CAST: variants seen among roughly 807,000 people sequenced by gnomAD.
The protein encoded by CAST is MIR583 host.
A neutral mutation model predicts 119.6 loss-of-function variants in CAST; 76 were observed. That is an observed-to-expected ratio of 0.64 (90% CI 0.53 to 0.77). The LOEUF (loss-of-function observed/expected upper bound fraction) is 0.77. Ranked by LOEUF, CAST falls within the 30% of genes least tolerant of loss-of-function variation. The pLI, the probability that CAST is intolerant of heterozygous loss-of-function variation, is 0.00. For missense variants in CAST, 953 were observed against 946.5 expected, an observed-to-expected ratio of 1.01 and a Z score of -0.09; for synonymous variants, 319 against 331.6, an observed-to-expected ratio of 0.96 and a Z score of 0.41.
the CAST span, among the ~76,000 whole-genome samples, chr5:96,043,757 G>T: frequency 6.6e-6 from 1 of 152,136 alleles, no homozygotes; most frequent in Non-Finnish European, 1.5e-5. Flanking sequence ...GCCAGAACAG[G>T]GTCATAAAGG....
At chr5:96,664,286 AT>A in intron 1 of CAST, among the ~76,000 whole-genome samples, 1 of 151,586 alleles carries the variant, frequency 6.6e-6, no homozygotes, top group Non-Finnish European at 1.5e-5. Flanking sequence ...ATGTGTGTAT[AT>A]TTACAGTGTG....
At chr5:96,381,113 C>T in the CAST span, among the ~76,000 whole-genome samples, 9 of 152,090 alleles carry the variant, frequency 5.9e-5, no homozygotes, top group African/African-American at 2.2e-4. Context: ...AGGTTGAATG[C>T]TGAAGTACAT....
the CAST span, among the ~76,000 whole-genome samples, chr5:96,034,511 G>GCACACACACA: frequency 0.041 from 2,686 of 65,306 alleles, 91 homozygotes; most frequent in Non-Finnish European, 0.052. Context: ...ACACACATAT[G>GCACACACACA]TGTGTGTGTA....
chr5:96,589,843 C>G (rs1746932301), intron 1 of CAST, among the ~76,000 whole-genome samples: 1 of 152,158 alleles, frequency 6.6e-6, no homozygotes, highest in Non-Finnish European at 1.5e-5. Context: ...ATAAGAAAAA[C>G]AAATTTAGTA....
At chr5:96,567,988 T>A (rs977570982) in intron 1 of CAST, among the ~76,000 whole-genome samples, 2 of 152,166 alleles carry the variant, frequency 1.3e-5, no homozygotes, top group Non-Finnish European at 2.9e-5. Context: ...TTTGTCCTGA[T>A]CAGAGCTGCT....
At chr5:96,441,394 A>G in the CAST span, among the ~76,000 whole-genome samples, 1 of 152,012 alleles carries the variant, frequency 6.6e-6, no homozygotes, top group Non-Finnish European at 1.5e-5. Context: ...AAGCCCGTTG[A>G]GAGAGCCAGA....
the CAST span, among the ~76,000 whole-genome samples, chr5:96,035,267 G>T: frequency 6.7e-6 from 1 of 148,830 alleles, no homozygotes; most frequent in Non-Finnish European, 1.5e-5. Flanking sequence ...AATACATACA[G>T]TTTTTTCCAT....
At chr5:96,101,796 C>T in the CAST span, among the ~76,000 whole-genome samples, 5 of 152,168 alleles carry the variant, frequency 3.3e-5, no homozygotes, top group African/African-American at 1.2e-4. Flanking sequence ...AAAATTTTAA[C>T]ATCTTGTGGG....
chr5:96,472,836 GA>G, the CAST span, among the ~76,000 whole-genome samples: 1 of 152,190 alleles, frequency 6.6e-6, no homozygotes, highest in Non-Finnish European at 1.5e-5. Flanking sequence ...GTCTGACTTA[GA>G]ACAATAGAAG....
the CAST span, among the ~76,000 whole-genome samples, chr5:96,365,141 A>G: frequency 0.026 from 3,910 of 152,260 alleles, 65 homozygotes; most frequent in Middle Eastern, 0.065. Flanking sequence ...GTTTTGAGTG[A>G]GTTTCTTAAT....
chr5:96,025,718 G>C, the CAST span, among the ~76,000 whole-genome samples: 1 of 152,186 alleles, frequency 6.6e-6, no homozygotes, highest in Non-Finnish European at 1.5e-5. Flanking sequence ...GCTCAATACA[G>C]AGAGAATTTG....
At chr5:96,431,000 A>G in the CAST span, among the ~76,000 whole-genome samples, 2,297 of 152,304 alleles carry the variant, frequency 0.015, 65 homozygotes, top group African/African-American at 0.053. Flanking sequence ...GAAAAAGAAG[A>G]GAGATTTAGT....
chr5:96,667,734 C>T (rs991456581), intron 1 of CAST, among the ~76,000 whole-genome samples: 6 of 284 alleles, frequency 0.021, no homozygotes, highest in South Asian at 0.5. Context: ...TATAATGAGG[C>T]TGGGTGCGGT....
the CAST span, among the ~76,000 whole-genome samples, chr5:96,334,572 A>G: frequency 4.6e-5 from 7 of 152,216 alleles, no homozygotes; most frequent in African/African-American, 1.7e-4. Flanking sequence ...CTGTTCCAGA[A>G]AAGTCACCCC....
chr5:96,201,898 T>C, the CAST span, among the ~76,000 whole-genome samples: 4 of 152,058 alleles, frequency 2.6e-5, no homozygotes, highest in African/African-American at 4.8e-5. Context: ...AATCCAACTT[T>C]AAGGGGCAAA....
At chr5:96,045,029 G>A in the CAST span, among the ~76,000 whole-genome samples, 1 of 152,144 alleles carries the variant, frequency 6.6e-6, no homozygotes, top group South Asian at 2.1e-4. Context: ...TAATATGGCT[G>A]GTGGTTTCAT....
the CAST span, among the ~76,000 whole-genome samples, chr5:96,434,651 C>A: frequency 6.6e-6 from 1 of 151,440 alleles, no homozygotes; most frequent in African/African-American, 2.4e-5. Context: ...AAAGCTCAAC[C>A]GCCCGAGGGC....
the CAST span, among the ~76,000 whole-genome samples, chr5:96,309,782 C>A: frequency 1.6e-4 from 25 of 152,362 alleles, no homozygotes; most frequent in African/African-American, 5.8e-4. Flanking sequence ...GTGGGCTACA[C>A]CCACTGTCCA....
At chr5:96,276,860 T>C in the CAST span, among the ~76,000 whole-genome samples, 2 of 152,226 alleles carry the variant, frequency 1.3e-5, no homozygotes, top group East Asian at 3.8e-4. Flanking sequence ...ATGAAGGTTT[T>C]CATGCTTTTG....
Sources: gnomAD v4.1 joint callset for allele counts (sites outside exome capture counted in the v4.1 genomes callset) on GRCh38, gnomAD v4.1.1 for gene constraint, MANE v1.5 for transcripts, NCBI Gene and HGNC (gene_info 2026-07-23, HGNC 2026-07-21) for gene names.